The following KAZN variants were observed in gnomAD, a reference collection of about 807,000 sequenced individuals.
KAZN encodes the protein kazrin, periplakin interacting protein, also known as kazrin.
Under a neutral mutation model 87.4 loss-of-function variants are expected in KAZN, and 40 were observed. The observed-to-expected ratio is 0.46, with a 90% CI of 0.36 to 0.60. KAZN has a LOEUF of 0.60. Among genes scored for constraint, KAZN ranks in the 20% least tolerant of loss-of-function variants. KAZN has a pLI of 0.00. For missense variants in KAZN, 898 were observed against 1,073.9 expected, an observed-to-expected ratio of 0.84 and a Z score of 2.29; for synonymous variants, 466 against 458.3, an observed-to-expected ratio of 1.02 and a Z score of -0.22.
chr1:14,502,316 A>G (rs986050836), intron 2 of KAZN, among the ~76,000 whole-genome samples: 1 of 152,152 alleles, frequency 6.6e-6, no homozygotes, highest in African/African-American at 2.4e-5. Context: ...TCACTGATTC[A>G]TTCATTCACC....
intron 2 of KAZN, among the ~76,000 whole-genome samples, chr1:14,429,546 C>T (rs1665928086): frequency 6.6e-6 from 1 of 152,262 alleles, no homozygotes; most frequent in Middle Eastern, 3.4e-3. Flanking sequence ...TACACTATGG[C>T]AGGCACAGTC....
chr1:14,181,546 G>T (rs1332828087), intron 2 of KAZN, among the ~76,000 whole-genome samples: 2 of 152,142 alleles, frequency 1.3e-5, no homozygotes, highest in African/African-American at 4.8e-5. Flanking sequence ...GTGCCTTTGT[G>T]CCTGTCTCAC....
chr1:14,502,773 CA>C (rs1172291331), intron 2 of KAZN, among the ~76,000 whole-genome samples: 1 of 152,200 alleles, frequency 6.6e-6, no homozygotes, highest in Non-Finnish European at 1.5e-5. Context: ...CAGACATTGA[CA>C]GACACTTACT....
At chr1:14,592,928 C>T (rs1433211080) in intron 2 of KAZN, among the ~76,000 whole-genome samples, 1 of 152,184 alleles carries the variant, frequency 6.6e-6, no homozygotes, top group Non-Finnish European at 1.5e-5. Context: ...AGAAACGATG[C>T]TTCTGATAGG....
chr1:14,044,415 G>T (rs1006327945), intron 1 of KAZN, among the ~76,000 whole-genome samples: 1 of 152,004 alleles, frequency 6.6e-6, no homozygotes. Context: ...ATGTGACTTT[G>T]AACAAGTTAT....
intron 1 of KAZN, among the ~76,000 whole-genome samples, chr1:14,028,552 A>G (rs1369343398): frequency 1.3e-5 from 2 of 152,204 alleles, no homozygotes; most frequent in East Asian, 3.8e-4. Context: ...GCTGGGTTAG[A>G]GCTGAGACAC....
chr1:14,212,198 G>T (rs566041461), intron 2 of KAZN, among the ~76,000 whole-genome samples: 1 of 152,192 alleles, frequency 6.6e-6, no homozygotes, highest in African/African-American at 2.4e-5. Context: ...TTATGCAGAC[G>T]GTTGGCATCA....
At chr1:14,895,630 G>GGGGCCTCTGAAAGTTCATTGC (rs796548725) in intron 1 of KAZN, among the ~76,000 whole-genome samples, 9 of 152,324 alleles carry the variant, frequency 5.9e-5, no homozygotes, top group African/African-American at 2.2e-4. Context: ...ATTTGGGCTA[G>GGGGCCTCTGAAAGTTCATTGC]GGGCCTCTGA....
intron 3 of KAZN, among the ~76,000 whole-genome samples, chr1:15,042,226 C>G (rs1190316567): frequency 6.6e-6 from 1 of 152,200 alleles, no homozygotes; most frequent in East Asian, 1.9e-4. Context: ...TAAGCAGCCT[C>G]TTGTACACCA....
intron 2 of KAZN, among the ~76,000 whole-genome samples, chr1:14,266,113 T>A (rs1571179384): frequency 6.6e-6 from 1 of 152,070 alleles, no homozygotes; most frequent in African/African-American, 2.4e-5. Context: ...GATAGGTGGG[T>A]GGGTAGAGAA....
chr1:14,745,266 A>G (rs1325295823), intron 1 of KAZN, among the ~76,000 whole-genome samples: 1 of 151,928 alleles, frequency 6.6e-6, no homozygotes, highest in Admixed American at 6.6e-5. Flanking sequence ...AAAAAGGAAA[A>G]AAAAAAAAAA....
chr1:14,900,573 G>GAA (rs1655754462), intron 1 of KAZN, among the ~76,000 whole-genome samples: 2 of 152,024 alleles, frequency 1.3e-5, no homozygotes, highest in African/African-American at 4.8e-5. Flanking sequence ...TTAACACGGT[G>GAA]AAACTCTGTC....
chr1:14,296,149 T>C (rs927802038), intron 2 of KAZN, among the ~76,000 whole-genome samples: 2 of 152,214 alleles, frequency 1.3e-5, no homozygotes, highest in African/African-American at 4.8e-5. Context: ...CTATCATTAT[T>C]GAATGAATGA....
chr1:15,069,187 C>T (rs774573247), intron 8 of KAZN, among the ~76,000 whole-genome samples: 2 of 152,116 alleles, frequency 1.3e-5, no homozygotes, highest in Admixed American at 1.3e-4. Context: ...CTCCCTGGCC[C>T]CATGCAGACA....
intron 1 of KAZN, among the ~76,000 whole-genome samples, chr1:14,953,563 A>C (rs1353280320): frequency 6.6e-6 from 1 of 152,254 alleles, no homozygotes; most frequent in African/African-American, 2.4e-5. Context: ...TGAGAATTAA[A>C]CTAGTTAAGT....
chr1:14,771,547 T>TG (rs1226018128), intron 1 of KAZN, among the ~76,000 whole-genome samples: 6 of 151,936 alleles, frequency 3.9e-5, no homozygotes, highest in African/African-American at 1.5e-4. Flanking sequence ...AGGATAGGCC[T>TG]GGGCGAGGTG....
intron 1 of KAZN, among the ~76,000 whole-genome samples, chr1:14,022,179 G>T (rs749105606): frequency 1.3e-5 from 2 of 152,020 alleles, no homozygotes; most frequent in African/African-American, 4.8e-5. Context: ...TATGTTGTGT[G>T]CATGCATGCT....
At chr1:14,255,581 T>G (rs904849454) in intron 2 of KAZN, among the ~76,000 whole-genome samples, 1 of 152,206 alleles carries the variant, frequency 6.6e-6, no homozygotes, top group Admixed American at 6.5e-5. Flanking sequence ...CCAATCAGAA[T>G]GTTCCATCCA....
In KAZN at chr1:14,511,888, C is replaced by T. The variant is rs192268517; in HGVS notation, c.250-87095C>T. On this transcript the variant is annotated intron_variant, in intron 2 of 16. Coordinates refer to the KAZN transcript ENST00000636203. ...GAAAGCTGCATTCAACATAAATAAACGCATTAGTTTAAACATCAGCATTCT... is the reference window on the plus strand; with the variant it reads ...GAAAGCTGCATTCAACATAAATAAATGCATTAGTTTAAACATCAGCATTCT... Among the ~76,000 whole-genome samples the T allele has an allele frequency of 3.9e-3, 597 of 152,174 alleles. 4 individuals carry two copies. The highest frequency in any genetic ancestry group is 0.014 in the African/African-American group (573 of 41,510).
Sources: gnomAD v4.1 joint callset for allele counts (sites outside exome capture counted in the v4.1 genomes callset) on GRCh38, gnomAD v4.1.1 for gene constraint, MANE v1.5 for transcripts, NCBI Gene and HGNC (gene_info 2026-07-23, HGNC 2026-07-21) for gene names.